Variants in GRIA1 observed in about 807,000 individuals in gnomAD.
GRIA1 encodes the protein glutamate ionotropic receptor AMPA type subunit 1.
Under a neutral mutation model 99.2 loss-of-function variants are expected in GRIA1, and 31 were observed. The observed-to-expected ratio is 0.31, with a 90% confidence interval of 0.23 to 0.42. The LOEUF (loss-of-function observed/expected upper bound fraction) is 0.42. GRIA1 is among the 10% of genes least tolerant of loss of function. GRIA1 has a pLI of 1.00. For synonymous variants in GRIA1, 438 were observed against 432.4 expected (o/e 1.01, Z -0.16); for missense variants, 782 against 1,157.5 (o/e 0.68, Z 4.71).
At chr5:153,609,192 G>A (rs1420647031) in intron 2 of GRIA1, among the ~76,000 whole-genome samples, 1 of 152,080 alleles carries the variant, frequency 6.6e-6, no homozygotes, top group Non-Finnish European at 1.5e-5. Flanking sequence ...TATCCCCAAG[G>A]TGCAAGCAGC....
chr5:153,659,689 A>G (rs1437432352), intron 5 of GRIA1, among the ~76,000 whole-genome samples: 2 of 152,212 alleles, frequency 1.3e-5, no homozygotes, highest in African/African-American at 4.8e-5. Flanking sequence ...TGCCACTGCA[A>G]TTGCCAATAT....
At chr5:153,694,513 C>T (rs1757965817) in intron 8 of GRIA1, among the ~76,000 whole-genome samples, 1 of 152,184 alleles carries the variant, frequency 6.6e-6, no homozygotes, top group African/African-American at 2.4e-5. Context: ...TTTTAGCTTA[C>T]TGACAATATG....
At chr5:153,531,354 G>A (rs1038292202) in intron 2 of GRIA1, among the ~76,000 whole-genome samples, 2 of 152,062 alleles carry the variant, frequency 1.3e-5, no homozygotes, top group Admixed American at 6.6e-5. Flanking sequence ...AGCCCTCTAC[G>A]GGCCCAGCCA....
intron 2 of GRIA1, among the ~76,000 whole-genome samples, chr5:153,534,222 G>C (rs1758345634): frequency 6.6e-6 from 1 of 152,154 alleles, no homozygotes; most frequent in South Asian, 2.1e-4. Context: ...TGAAACTTAA[G>C]TTCCAAGGAG....
intron 2 of GRIA1, among the ~76,000 whole-genome samples, chr5:153,508,245 G>C (rs1177026853): frequency 6.6e-6 from 1 of 152,138 alleles, no homozygotes; most frequent in Non-Finnish European, 1.5e-5. Flanking sequence ...TGCAGTGTTG[G>C]GAGACATTCT....
At chr5:153,567,627 A>G (rs1052863312) in intron 2 of GRIA1, among the ~76,000 whole-genome samples, 2 of 152,140 alleles carry the variant, frequency 1.3e-5, no homozygotes, top group Non-Finnish European at 2.9e-5. Flanking sequence ...AATCACTCTC[A>G]ATTGAGAACC....
intron 11 of GRIA1, among the ~76,000 whole-genome samples, chr5:153,762,066 A>T (rs1404961505): frequency 6.6e-6 from 1 of 152,226 alleles, no homozygotes; most frequent in Non-Finnish European, 1.5e-5. Flanking sequence ...GCAAAGGCAC[A>T]GTTAGATGGA....
intron 2 of GRIA1, among the ~76,000 whole-genome samples, chr5:153,631,011 A>C (rs1752921340): frequency 6.6e-6 from 1 of 152,236 alleles, no homozygotes; most frequent in African/African-American, 2.4e-5. Context: ...CTTACAGATG[A>C]GGAAACAAAA....
chr5:153,496,499 T>C (rs1662771104), intron 2 of GRIA1, among the ~76,000 whole-genome samples: 1 of 152,212 alleles, frequency 6.6e-6, no homozygotes, highest in Non-Finnish European at 1.5e-5. Context: ...AATAATCTTA[T>C]TTTGTGCTTA....
intron 3 of GRIA1, among the ~76,000 whole-genome samples, chr5:153,647,717 C>G (rs1754262431): frequency 6.6e-6 from 1 of 152,204 alleles, no homozygotes; most frequent in Non-Finnish European, 1.5e-5. Flanking sequence ...TCATCATCAT[C>G]ATCCTCCTCA....
At position 153,723,886 on chromosome 5, in the gene GRIA1, G is replaced by C. The variant is rs528606973; in HGVS notation, c.1823+17819G>C. On this transcript the variant is annotated intron_variant, in intron 11 of 15. Transcript: ENST00000285900. ...TGTCCCTGTCTGACAGCTTTGAAGA[G>C]AGCAGTGGTTCTCCCATCATGCAGC... Among the ~76,000 whole-genome samples, 3 of 152,310 alleles carry C rather than the reference G, an allele frequency of 2.0e-5. 1 individual carries two copies. In the South Asian group the frequency reaches 6.2e-4, roughly 32 times the overall value.
At chr5:153,541,944 A>AAC (rs1224416892) in intron 2 of GRIA1, among the ~76,000 whole-genome samples, 15 of 143,780 alleles carry the variant, frequency 1.0e-4, no homozygotes, top group Non-Finnish European at 2.1e-4. Context: ...AAAAAAAAAA[A>AAC]AAAAAAAACA....
At chr5:153,784,381 G>A (rs1764836163) in intron 13 of GRIA1, among the ~76,000 whole-genome samples, 1 of 147,616 alleles carries the variant, frequency 6.8e-6, no homozygotes, top group South Asian at 2.3e-4. Context: ...GATTAAGTGA[G>A]CACTCTGTAT....
chr5:153,680,074 G>A (rs1233224434), intron 7 of GRIA1, among the ~76,000 whole-genome samples: 2 of 152,132 alleles, frequency 1.3e-5, no homozygotes, highest in African/African-American at 4.8e-5. Context: ...GCTAGCTAGT[G>A]GTAAAGTTGG....
intron 2 of GRIA1, among the ~76,000 whole-genome samples, chr5:153,638,225 T>G (rs1044649459): frequency 2.4e-4 from 36 of 152,166 alleles, no homozygotes; most frequent in African/African-American, 8.7e-4. Flanking sequence ...AGGCATCATC[T>G]GTCTTATTTA....
intron 2 of GRIA1, among the ~76,000 whole-genome samples, chr5:153,553,560 G>A (rs1031690522): frequency 2.0e-5 from 3 of 152,144 alleles, no homozygotes; most frequent in African/African-American, 7.2e-5. Flanking sequence ...GGGATGGACT[G>A]TCCATATGCA....
chr5:153,692,620 C>A (rs1477885991), intron 8 of GRIA1, among the ~76,000 whole-genome samples: 1 of 152,162 alleles, frequency 6.6e-6, no homozygotes, highest in Non-Finnish European at 1.5e-5. Flanking sequence ...TATCTACCGT[C>A]TGGCCCTTTA....
At chr5:153,566,569 G>C (rs1204365114) in intron 2 of GRIA1, among the ~76,000 whole-genome samples, 1 of 151,300 alleles carries the variant, frequency 6.6e-6, no homozygotes, top group Admixed American at 6.6e-5. Context: ...ACCTCCCAAA[G>C]TGCTGGGATT....
intron 2 of GRIA1, among the ~76,000 whole-genome samples, chr5:153,610,391 C>G (rs192927539): frequency 6.6e-6 from 1 of 152,300 alleles, no homozygotes. Flanking sequence ...CAGAATAGAC[C>G]TTGTTGAAAG....
Sources: gnomAD v4.1 joint callset for allele counts (sites outside exome capture counted in the v4.1 genomes callset) on GRCh38, gnomAD v4.1.1 for gene constraint, MANE v1.5 for transcripts, NCBI Gene and HGNC (gene_info 2026-07-23, HGNC 2026-07-21) for gene names.